The following LARGE1 variants were observed in gnomAD, a reference collection of about 807,000 sequenced individuals.
The protein encoded by LARGE1 is LARGE xylosyl- and glucuronyltransferase 1, also known as xylosyl- and glucuronyltransferase LARGE1.
LARGE1 carries 43 observed loss-of-function variants against 87.6 expected under a neutral mutation model. That is an observed-to-expected ratio of 0.49 (90% CI 0.38 to 0.63). LARGE1 has a LOEUF of 0.63. LARGE1 is among the 30% of genes least tolerant of loss of function. The pLI is 0.00. For missense variants in LARGE1, 802 were observed against 1,000.2 expected (o/e 0.80, Z 2.67); for synonymous variants, 434 against 394.6 (o/e 1.10, Z -1.18).
At chr22:33,226,930 C>T (rs540945862) in intron 11 of LARGE1, among the ~76,000 whole-genome samples, 3 of 152,084 alleles carry the variant, frequency 2.0e-5, no homozygotes, top group Admixed American at 2.0e-4. Context: ...GGGGTTTCAC[C>T]GTGTTAGCCA....
intron 2 of LARGE1, among the ~76,000 whole-genome samples, chr22:33,671,934 TA>T (rs1364259302): frequency 6.6e-6 from 1 of 152,240 alleles, no homozygotes; most frequent in Non-Finnish European, 1.5e-5. Context: ...ATTCATCTCC[TA>T]AAACATTTTA....
rs74976440 is a variant in LARGE1, at chr22:33,498,254, C to G, written c.788-65989G>C. Among the ~76,000 whole-genome samples, 542 of 152,162 alleles carry G rather than the reference C, an allele frequency of 3.6e-3. 5 individuals are homozygous for G. The highest frequency in any genetic ancestry group is 0.023 in the South Asian group (109 of 4,808). ...AATTGTGCCTTGTCCCTGGCCCCCA[C>G]GGTGGAGGGGAGGGTTCAGATTTAA... On this transcript the variant is annotated intron_variant, in intron 6 of 14. Coordinates refer to ENST00000397394, the MANE Select transcript of LARGE1 (RefSeq NM_133642.5).
intron 3 of LARGE1, among the ~76,000 whole-genome samples, chr22:33,643,022 G>C (rs2080493437): frequency 6.6e-6 from 1 of 152,154 alleles, no homozygotes; most frequent in African/African-American, 2.4e-5. Context: ...TTCAGGACTT[G>C]AACTCAGCTC....
At chr22:33,281,044 G>A (rs958298230) in intron 13 of LARGE1, among the ~76,000 whole-genome samples, 6 of 152,242 alleles carry the variant, frequency 3.9e-5, no homozygotes, top group East Asian at 3.9e-4. Flanking sequence ...AGCAGATTTC[G>A]GCTGCTCAGA....
At chr22:33,810,844 C>A (rs941334264) in intron 1 of LARGE1, among the ~76,000 whole-genome samples, 2 of 152,060 alleles carry the variant, frequency 1.3e-5, no homozygotes, top group African/African-American at 4.8e-5. Context: ...CTGCCTCAGT[C>A]TCCCAAGTAG....
chr22:33,267,146 A>C (rs1927995452), intron 11 of LARGE1, among the ~76,000 whole-genome samples: 1 of 151,684 alleles, frequency 6.6e-6, no homozygotes, highest in African/African-American at 2.4e-5. Flanking sequence ...AGGCTGAGGT[A>C]CAAGAACTGC....
intron 5 of LARGE1, among the ~76,000 whole-genome samples, chr22:33,577,671 C>T (rs73882272): frequency 6.6e-6 from 1 of 152,208 alleles, no homozygotes; most frequent in Non-Finnish European, 1.5e-5. Context: ...TCAGAGGGCT[C>T]TTTAGCACTT....
At chr22:33,118,750 C>G in the LARGE1 span, among the ~76,000 whole-genome samples, 1 of 152,154 alleles carries the variant, frequency 6.6e-6, no homozygotes, top group South Asian at 2.1e-4. Context: ...AACAGTAGTG[C>G]AGGTACTCAA....
At chr22:33,659,744 T>TTA (rs374435141) in intron 2 of LARGE1, among the ~76,000 whole-genome samples, 3 of 122,080 alleles carry the variant, frequency 2.5e-5, no homozygotes, top group Admixed American at 8.6e-5. Context: ...GAAGAACAGT[T>TTA]AAAAAAAAAA....
intron 10 of LARGE1, among the ~76,000 whole-genome samples, chr22:33,321,610 T>C (rs555968945): frequency 1.3e-5 from 2 of 152,206 alleles, no homozygotes; most frequent in Non-Finnish European, 2.9e-5. Context: ...CTCAGAAGAA[T>C]GAAGGGCTTC....
intron 12 of LARGE1, among the ~76,000 whole-genome samples, chr22:33,298,306 T>A (rs1490155132): frequency 6.6e-6 from 1 of 152,220 alleles, no homozygotes; most frequent in Non-Finnish European, 1.5e-5. Context: ...CCCTGTTCAC[T>A]GTTCTAGCCC....
intron 11 of LARGE1, among the ~76,000 whole-genome samples, chr22:33,177,179 T>G (rs1321036475): frequency 6.6e-6 from 1 of 152,070 alleles, no homozygotes; most frequent in Non-Finnish European, 1.5e-5. Context: ...AGGGGAGGGA[T>G]AGCATTAGGA....
At chr22:33,550,142 T>C (rs1023733244) in intron 6 of LARGE1, among the ~76,000 whole-genome samples, 33 of 142,342 alleles carry the variant, frequency 2.3e-4, no homozygotes, top group African/African-American at 7.3e-4. Context: ...ACTTAAAGTA[T>C]ACACACACAC....
intron 4 of LARGE1, among the ~76,000 whole-genome samples, chr22:33,605,907 C>T (rs7289207): frequency 0.14 from 21,678 of 151,898 alleles, 1,703 homozygotes; most frequent in African/African-American, 0.21. Flanking sequence ...GTCAGAAGGA[C>T]GTGTAAGAGG....
intron 1 of LARGE1, among the ~76,000 whole-genome samples, chr22:33,765,667 T>C (rs905500715): frequency 1.6e-5 from 2 of 127,544 alleles, no homozygotes; most frequent in Non-Finnish European, 3.1e-5. Context: ...ATCATGCCAT[T>C]GCACTCCAGC....
intron 2 of LARGE1, among the ~76,000 whole-genome samples, chr22:33,758,191 G>C (rs1056335131): frequency 2.0e-5 from 3 of 152,168 alleles, no homozygotes; most frequent in Non-Finnish European, 4.4e-5. Context: ...TCAGGGGACA[G>C]CCCTTTGTCT....
At chr22:33,522,445 C>T (rs1671308518) in intron 6 of LARGE1, among the ~76,000 whole-genome samples, 1 of 152,136 alleles carries the variant, frequency 6.6e-6, no homozygotes, top group Admixed American at 6.5e-5. Flanking sequence ...GTAATCCCAG[C>T]ACTGTGGGAG....
chr22:33,742,766 T>C (rs956853506), intron 2 of LARGE1, among the ~76,000 whole-genome samples: 13 of 152,212 alleles, frequency 8.5e-5, no homozygotes, highest in African/African-American at 2.7e-4. Flanking sequence ...CATCCCTATC[T>C]TTCTTTCCAA....
At chr22:33,443,643 C>A (rs1055645619) in intron 6 of LARGE1, among the ~76,000 whole-genome samples, 2 of 152,206 alleles carry the variant, frequency 1.3e-5, no homozygotes, top group African/African-American at 4.8e-5. Context: ...ATAATGATTT[C>A]TTCTGCCAAG....
Sources: gnomAD v4.1 joint callset for allele counts (sites outside exome capture counted in the v4.1 genomes callset) on GRCh38, gnomAD v4.1.1 for gene constraint, MANE v1.5 for transcripts, NCBI Gene and HGNC (gene_info 2026-07-23, HGNC 2026-07-21) for gene names.